The following PIP5K1B variants were observed in gnomAD, a reference collection of about 807,000 sequenced individuals.
PIP5K1B encodes phosphatidylinositol 4-phosphate 5-kinase type-1 beta.
A neutral mutation model predicts 67.0 loss-of-function variants in PIP5K1B; 42 were observed. The ratio of observed to expected loss-of-function variants is 0.63; its 90% CI spans 0.49 to 0.81. The LOEUF is 0.81. Among genes scored for constraint, PIP5K1B ranks in the 30% least tolerant of loss-of-function variants. PIP5K1B has a pLI of 0.00. For synonymous variants in PIP5K1B, 214 were observed against 231.4 expected (o/e 0.92, Z 0.68); for missense variants, 459 against 646.3 (o/e 0.71, Z 3.14).
At chr9:68,913,635 A>G (rs575452335) in intron 8 of PIP5K1B, among the ~76,000 whole-genome samples, 1 of 152,216 alleles carries the variant, frequency 6.6e-6, no homozygotes, top group East Asian at 1.9e-4. Flanking sequence ...TTCTTAATCG[A>G]TGGTGATTTT....
At chr9:68,838,341 A>G (rs1587533702) in intron 4 of PIP5K1B, among the ~76,000 whole-genome samples, 2 of 152,334 alleles carry the variant, frequency 1.3e-5, no homozygotes, top group East Asian at 3.9e-4. Context: ...AATTCTTGTG[A>G]TAACAGCACA....
intron 2 of PIP5K1B, chr9:68,783,621 C>T (rs868834753): frequency 6.0e-6 from 1 of 166,958 alleles, no homozygotes; most frequent in African/African-American, 2.4e-5. Context: ...TGACACCTCT[C>T]TTCTTTACTT....
chr9:68,732,955 G>T (rs1375219814), intron 1 of PIP5K1B, among the ~76,000 whole-genome samples: 1 of 151,902 alleles, frequency 6.6e-6, no homozygotes, highest in Non-Finnish European at 1.5e-5. Context: ...TGATGATGAT[G>T]ACGACGACGA....
At chr9:68,977,105 A>G (rs776833017) in intron 14 of PIP5K1B, among the ~76,000 whole-genome samples, 9 of 152,186 alleles carry the variant, frequency 5.9e-5, no homozygotes, top group Non-Finnish European at 1.2e-4. Context: ...ATTCTCTCTT[A>G]ATTCCATGGA....
intron 1 of PIP5K1B, among the ~76,000 whole-genome samples, chr9:68,729,374 A>G (rs1247268416): frequency 6.6e-6 from 1 of 152,168 alleles, no homozygotes; most frequent in East Asian, 1.9e-4. Context: ...TCTGTTACCT[A>G]GGGCAAAGCA....
At chr9:68,860,189 C>T (rs896640654) in intron 4 of PIP5K1B, among the ~76,000 whole-genome samples, 2 of 152,094 alleles carry the variant, frequency 1.3e-5, no homozygotes, top group African/African-American at 2.4e-5. Context: ...CCAATATCTC[C>T]CCAAGCCCCC....
At position 68,918,097 on chromosome 9, in the gene PIP5K1B, T is replaced by TTA. The variant is rs1390494744; in HGVS notation, c.983+339_983+340insAT. Among the ~76,000 whole-genome samples, 14 of 145,372 alleles carry TTA rather than the reference T, an allele frequency of 9.6e-5. 1 individual carries two copies. Among genetic ancestry groups the TTA allele is most frequent in the South Asian group, 6.8e-4 (3 of 4,426 alleles). On this transcript the variant is annotated intron_variant, in intron 9 of 15. Transcript: ENST00000265382. Reference sequence around the variant, plus strand: ...CATGTTTTATTGTTTATTTATTTATTTTTTTTTTTTGAGACAGAGTCTCAC... The same window carrying TTA: ...CATGTTTTATTGTTTATTTATTTATTTATTTTTTTTTTGAGACAGAGTCTCAC...
chr9:68,941,962 G>A (rs1471402027), intron 14 of PIP5K1B, among the ~76,000 whole-genome samples: 1 of 152,192 alleles, frequency 6.6e-6, no homozygotes, highest in Non-Finnish European at 1.5e-5. Context: ...CAAGTGGGTA[G>A]CAAGGTGAGC....
At chr9:68,960,584 CTGTT>C (rs987833349) in intron 14 of PIP5K1B, among the ~76,000 whole-genome samples, 1 of 152,110 alleles carries the variant, frequency 6.6e-6, no homozygotes, top group South Asian at 2.1e-4. Flanking sequence ...TGTCTCCCAT[CTGTT>C]TGTCTTTTTA....
intron 15 of PIP5K1B, among the ~76,000 whole-genome samples, chr9:68,998,641 GGC>G: frequency 6.6e-6 from 1 of 152,272 alleles, no homozygotes; most frequent in South Asian, 2.1e-4. Flanking sequence ...GGGTCTGCGA[GGC>G]CCTGAGCCTG....
chr9:68,840,355 C>A (rs970015936), intron 4 of PIP5K1B, among the ~76,000 whole-genome samples: 1 of 146,856 alleles, frequency 6.8e-6, no homozygotes, highest in Non-Finnish European at 1.5e-5. Context: ...CCAGCCTGGG[C>A]AACAGGAATG....
chr9:68,712,159 T>C (rs1486381007), intron 1 of PIP5K1B, among the ~76,000 whole-genome samples: 1 of 152,174 alleles, frequency 6.6e-6, no homozygotes. Context: ...TCTTGCTCTA[T>C]GAGTTTACAT....
intron 14 of PIP5K1B, among the ~76,000 whole-genome samples, chr9:68,962,207 G>GA (rs886348743): frequency 1.1e-4 from 17 of 151,494 alleles, no homozygotes; most frequent in African/African-American, 1.7e-4. Context: ...ACTGATTTGG[G>GA]AAAAAAAAGA....
At chr9:68,760,400 A>G (rs1373002825) in intron 2 of PIP5K1B, among the ~76,000 whole-genome samples, 3 of 152,152 alleles carry the variant, frequency 2.0e-5, no homozygotes, top group African/African-American at 7.2e-5. Flanking sequence ...TTCCAATGAA[A>G]TGCAATGGAG....
At chr9:68,969,317 G>A (rs1159249711) in intron 14 of PIP5K1B, among the ~76,000 whole-genome samples, 2 of 144,304 alleles carry the variant, frequency 1.4e-5, no homozygotes, top group Non-Finnish European at 3.0e-5. Flanking sequence ...GCAGTGAGCC[G>A]AGATCACGCC....
At chr9:68,899,810 T>C (rs1825271614) in intron 8 of PIP5K1B, among the ~76,000 whole-genome samples, 2 of 152,348 alleles carry the variant, frequency 1.3e-5, no homozygotes, top group Admixed American at 6.5e-5. Context: ...GCAGATTTGT[T>C]ACATGGGTAA....
chr9:68,948,645 C>CAAAA (rs35143149), intron 14 of PIP5K1B, among the ~76,000 whole-genome samples: 1 of 144,238 alleles, frequency 6.9e-6, no homozygotes. Context: ...GACCTTGCCT[C>CAAAA]AAAAAAAAAA....
chr9:68,989,914 A>G (rs1343698781), intron 14 of PIP5K1B, among the ~76,000 whole-genome samples: 1 of 152,080 alleles, frequency 6.6e-6, no homozygotes, highest in African/African-American at 2.4e-5. Context: ...CAGGAGGTGG[A>G]GATTGCAGTG....
In PIP5K1B at chr9:69,002,122, C is replaced by T. The variant is rs1830847037; in HGVS notation, c.1621-6325C>T. Among the ~76,000 whole-genome samples the T allele has an allele frequency of 2.0e-5, 3 of 152,148 alleles. No individual in the cohort carries two copies. The South Asian group carries it at 6.2e-4, about 32-fold the overall frequency. On this transcript the variant is annotated intron_variant, in intron 15 of 15. Transcript: ENST00000265382. ...CTGGAGGCCGGCAGGAGGCCTGGCA[C>T]TCCATGTGCTGCCAACACCCCAGAA...
Sources: allele counts gnomAD v4.1 joint callset (sites outside exome capture counted in the v4.1 genomes callset), GRCh38; gene constraint gnomAD v4.1.1; transcripts MANE v1.5; gene names NCBI Gene and HGNC (gene_info 2026-07-23, HGNC 2026-07-21).